Variants in KXD1 observed in about 807,000 individuals in gnomAD.
KXD1 encodes KxDL motif containing 1.
A neutral mutation model predicts 12.1 loss-of-function variants in KXD1; 5 were observed. The ratio of observed to expected loss-of-function variants is 0.41; its 90% CI spans 0.22 to 0.87. KXD1 has a LOEUF of 0.87. Ranked by LOEUF, KXD1 falls within the 40% of genes least tolerant of loss-of-function variation. The pLI is 0.31. For missense variants in KXD1, 193 were observed against 244.9 expected (o/e 0.79, Z 1.41); for synonymous variants, 98 against 100.5 (o/e 0.98, Z 0.15).
At chr19:18,561,924 A>G in intron 1 of KXD1, 112 bp from the exon 2 acceptor site, 1 of 604,694 alleles carries the variant, frequency 1.7e-6, no homozygotes, top group Non-Finnish European at 2.8e-6. Flanking sequence ...TCCCCACTGT[A>G]GGATACCACC....
chr19:18,568,463 GACC>G lies in KXD1; in HGVS notation c.368_370del (p.Thr123del). 6.2e-7 allele frequency: 1 copy of G among 1,613,866 alleles called. No homozygotes were observed. The highest frequency in any genetic ancestry group is 8.5e-7 in the Non-Finnish European group (1 of 1,179,980). On this transcript the variant is annotated inframe_deletion, in exon 5 of 5. Transcript: ENST00000222307. Reference sequence around the variant, plus strand: ...AAGACCCCATCCCACCCAGCACCACGACCACCATTGCCACCTCAGAACAGAGCA... The same window carrying G: ...AAGACCCCATCCCACCCAGCACCACGACCATTGCCACCTCAGAACAGAGCA...
intron 1 of KXD1, chr19:18,561,566 A>G (rs1457259296): frequency 1.3e-5 from 2 of 152,418 alleles, no homozygotes; most frequent in Non-Finnish European, 2.9e-5. Context: ...AAAAGAAATA[A>G]AAAAACGAGG....
chr19:18,567,677 C>G (rs1324784692), intron 4 of KXD1, among the ~76,000 whole-genome samples: 2 of 152,212 alleles, frequency 1.3e-5, no homozygotes, highest in African/African-American at 2.4e-5. Flanking sequence ...CGCGTGTTCT[C>G]TGGGGTACCA....
intron 2 of KXD1, among the ~76,000 whole-genome samples, chr19:18,563,318 C>G (rs1400831008): frequency 6.7e-6 from 1 of 149,150 alleles, no homozygotes; most frequent in Non-Finnish European, 1.5e-5. Flanking sequence ...CTCCGAGTCT[C>G]AATAGTACCT....
intron 2 of KXD1, among the ~76,000 whole-genome samples, chr19:18,563,494 C>T (rs890764649): frequency 3.9e-5 from 6 of 152,026 alleles, no homozygotes; most frequent in Non-Finnish European, 5.9e-5. Flanking sequence ...TATAGGCATG[C>T]ACCACCATGC....
chr19:18,560,910 T>C (rs1974895540), intron 1 of KXD1, among the ~76,000 whole-genome samples: 1 of 152,022 alleles, frequency 6.6e-6, no homozygotes, highest in Non-Finnish European at 1.5e-5. Context: ...TTTCACTATG[T>C]TGGCCAGGCT....
At chr19:18,568,172 C>T (rs954820329) in intron 4 of KXD1, among the ~76,000 whole-genome samples, 1 of 149,376 alleles carries the variant, frequency 6.7e-6, no homozygotes. Flanking sequence ...GAGGTTAAGG[C>T]AGAAGAATCG....
rs1975135208 is a variant in KXD1, at chr19:18,565,019, C to T, written c.252C>T (p.Ile84=). The change falls in exon 3 of 5, where the codon ATC becomes ATT. Residue 84 remains isoleucine, a splice_region_variant and synonymous_variant. Coordinates refer to ENST00000222307, the MANE Select transcript of KXD1 (RefSeq NM_024069.4). ...KRDLDSIFRR[I]RTLKGKLARQ... is the part of the protein sequence containing the mutation. ...ACCTGGACAGCATCTTCCGCCGTAT[C>T]AGGTGGGTGCTCAGTGCCACCCCAG... The T allele has an allele frequency of 6.3e-7, 1 of 1,589,746 alleles. No homozygotes were observed. The highest frequency in any genetic ancestry group is 1.7e-4 in the Middle Eastern group (1 of 6,042).
At chr19:18,566,083 G>A (rs775568241) in intron 3 of KXD1, among the ~76,000 whole-genome samples, 4 of 152,038 alleles carry the variant, frequency 2.6e-5, no homozygotes, top group Non-Finnish European at 4.4e-5. Flanking sequence ...CATCCACCTC[G>A]ACCTCCCAAA....
intron 2 of KXD1, among the ~76,000 whole-genome samples, chr19:18,563,479 G>A (rs1975032937): frequency 6.6e-6 from 1 of 151,900 alleles, no homozygotes; most frequent in Admixed American, 6.6e-5. Context: ...CTGAGTCGCT[G>A]GGATTATAGG....
intron 3 of KXD1, 92 bp from the exon 4 acceptor site, chr19:18,567,040 G>A (rs767921166): frequency 2.9e-5 from 34 of 1,153,666 alleles, no homozygotes; most frequent in Non-Finnish European, 4.1e-5. Context: ...GTCTCCCCTT[G>A]CCCTCAGCTG....
chr19:18,563,543 C>T (rs1048663256), intron 2 of KXD1, among the ~76,000 whole-genome samples: 4 of 151,958 alleles, frequency 2.6e-5, no homozygotes, highest in Non-Finnish European at 5.9e-5. Context: ...CTCGCTCTCT[C>T]GCCAGGCTGG....
At chr19:18,561,091 C>G (rs554738051) in intron 1 of KXD1, among the ~76,000 whole-genome samples, 1 of 152,106 alleles carries the variant, frequency 6.6e-6, no homozygotes, top group African/African-American at 2.4e-5. Flanking sequence ...AGAGGTGAAC[C>G]AGTGAAGCAG....
Position 18,561,850 on chromosome 19 carries a change from A to G in KXD1, c.-21-186A>G, listed in dbSNP as rs1175638975. 3 of 490,644 alleles carry G rather than the reference A, an allele frequency of 6.1e-6. No homozygotes were observed. The Admixed American group carries it at 1.2e-4, about 20-fold the overall frequency. 30.4% of individuals were successfully genotyped at this position (490,644 alleles called of 1,614,324 possible). A position where few individuals can be genotyped will look rare whatever the true frequency, so the allele number is the denominator to read the frequency against. ...TACAACCTCTCTTAGTTTGCCCAAT[A>G]CCTCCAAATTCCTGGGGTGGCACAC... On this transcript the variant is annotated intron_variant, in intron 1 of 4. Coordinates refer to ENST00000222307, the MANE Select transcript of KXD1 (RefSeq NM_024069.4).
At chr19:18,559,990 TTCC>T (rs1974864491) in intron 1 of KXD1, 1 of 122,952 alleles carries the variant, frequency 8.1e-6, no homozygotes, top group Non-Finnish European at 1.6e-5. Flanking sequence ...CCTTCCTTCC[TTCC>T]CTCCCTCCCT....
chr19:18,562,937 G>A (rs1183142983), intron 2 of KXD1, among the ~76,000 whole-genome samples: 1 of 152,254 alleles, frequency 6.6e-6, no homozygotes, highest in Non-Finnish European at 1.5e-5. Flanking sequence ...GGCCTGCCCT[G>A]TGGGGAAGAA....
intron 1 of KXD1, chr19:18,558,738 C>T (rs768192924): frequency 2.0e-5 from 3 of 152,126 alleles, no homozygotes; most frequent in Non-Finnish European, 4.4e-5. Flanking sequence ...GAGTTGGGAT[C>T]AGAGCTCTTG....
chr19:18,568,557 TC>T lies in KXD1; in HGVS notation c.460del (p.His154MetfsTer20). ...PSLSPGFEDL[S>X]HVQPGSPAIN... ...CCTGAGCCCCGGCTTCGAGGACCTG[TC>T]CCATGTCCAGCCTGGCTCCCCAGCC... On this transcript the variant is annotated frameshift_variant, in exon 5 of 5. Coordinates refer to ENST00000222307, the MANE Select transcript of KXD1 (RefSeq NM_024069.4). LOFTEE classifies it low-confidence loss of function (END_TRUNC). The T allele has an allele frequency of 3.7e-6, 6 of 1,613,836 alleles. No individual in the cohort carries two copies. Among genetic ancestry groups the T allele is most frequent in the Non-Finnish European group, 5.1e-6 (6 of 1,180,016 alleles).
At chr19:18,564,801 C>G in intron 2 of KXD1, 68 bp from the exon 3 acceptor site, 1 of 1,570,144 alleles carries the variant, frequency 6.4e-7, no homozygotes, top group Non-Finnish European at 8.7e-7. Context: ...CATGAACAGT[C>G]TTCTGGGCCA....
Sources: allele counts gnomAD v4.1 joint callset (sites outside exome capture counted in the v4.1 genomes callset), GRCh38; gene constraint gnomAD v4.1.1; transcripts MANE v1.5; gene names NCBI Gene and HGNC (gene_info 2026-07-23, HGNC 2026-07-21).